Variants in FAM234A observed in about 807,000 individuals in gnomAD.
The protein encoded by FAM234A is protein FAM234A.
FAM234A carries 42 observed loss-of-function variants against 49.1 expected under a neutral mutation model. That is an observed-to-expected ratio of 0.86 (90% confidence interval 0.67 to 1.11). The LOEUF (loss-of-function observed/expected upper bound fraction) is 1.11. Among genes scored for constraint, FAM234A ranks in the 50% least tolerant of loss-of-function variants. The probability of loss-of-function intolerance (pLI) is 0.00; values close to 1 mark genes in which losing one functional copy is unlikely to be tolerated. For synonymous variants in FAM234A, 369 were observed against 316.2 expected (o/e 1.17, Z -1.77); for missense variants, 815 against 745.2 (o/e 1.09, Z -1.09).
intron 7 of FAM234A, 32 bp downstream of exon 7, chr16:262,257 C>G: frequency 6.2e-7 from 1 of 1,611,264 alleles, no homozygotes; most frequent in Non-Finnish European, 8.5e-7. Context: ...CCTGGCCAGC[C>G]TCACTCGTGG....
intron 8 of FAM234A, among the ~76,000 whole-genome samples, chr16:262,782 G>C (rs2051523790): frequency 6.6e-6 from 1 of 151,744 alleles, no homozygotes; most frequent in South Asian, 2.1e-4. Flanking sequence ...TCCACGGAAA[G>C]TGGGGGTCTT....
chr16:243,933 G>C (rs1441272692), intron 1 of FAM234A, among the ~76,000 whole-genome samples: 1 of 151,872 alleles, frequency 6.6e-6, no homozygotes, highest in Non-Finnish European at 1.5e-5. Flanking sequence ...TATAAATGCT[G>C]TGCATATCCG....
intron 3 of FAM234A, among the ~76,000 whole-genome samples, chr16:257,155 C>T (rs1567219992): frequency 2.0e-5 from 3 of 151,414 alleles, no homozygotes; most frequent in South Asian, 2.1e-4. Context: ...CTAGGACTAC[C>T]GGTGTGAACC....
chr16:259,732 C>G (rs866826479), intron 4 of FAM234A, 133 bp downstream of exon 4: 1 of 745,090 alleles, frequency 1.3e-6, no homozygotes, highest in Non-Finnish European at 2.3e-6. Context: ...GTCATCCTTC[C>G]TGGCAGACCA....
Position 260,356 on chromosome 16 carries a change from A to T in FAM234A, c.577+196A>T. 3 of 616,624 alleles carry T rather than the reference A, an allele frequency of 4.9e-6. No individual in the cohort carries two copies. The South Asian group carries it at 5.6e-5, about 12-fold the overall frequency. 38.2% of individuals were successfully genotyped at this position (616,624 alleles called of 1,614,324 possible). On this transcript the variant is annotated intron_variant, in intron 5 of 12. Coordinates refer to ENST00000399932, the MANE Select transcript of FAM234A (RefSeq NM_032039.4). ...GAAGGCACACGCCTCGGCTGCCTTC[A>T]GCTGCACTGTGTCTGTTACCTCCCG...
chr16:253,940 T>G, intron 2 of FAM234A: 1 of 170,900 alleles, frequency 5.9e-6, no homozygotes, highest in East Asian at 1.7e-4. Flanking sequence ...GTACTTTGAA[T>G]TTTGGGTCTG....
Position 241,588 on chromosome 16 carries a change from C to CA in FAM234A, c.-140+6743dup, listed in dbSNP as rs201202017. 6.0e-3 allele frequency among the ~76,000 whole-genome samples: 841 copies of CA among 139,144 alleles called. 44 individuals are homozygous for CA. In the East Asian group the frequency reaches 0.12, roughly 20 times the overall value. The allele number at this position is 139,144 out of a possible 152,430, so 91.3% of individuals were successfully genotyped here. A position where few individuals can be genotyped will look rare whatever the true frequency, so the allele number is the denominator to read the frequency against. On this transcript the variant is annotated intron_variant, in intron 1 of 12. Coordinates refer to ENST00000399932, the MANE Select transcript of FAM234A (RefSeq NM_032039.4). ...TGGGCAACAGAGCAAGACCCTGTGT[C>CA]AAAAAAAAAAAAGTTTTCATCAAAT...
intron 1 of FAM234A, among the ~76,000 whole-genome samples, chr16:245,152 GC>G (rs925013287): frequency 5.3e-5 from 8 of 151,980 alleles, no homozygotes; most frequent in Non-Finnish European, 2.9e-5. Flanking sequence ...TTTGAGACCA[GC>G]CTGGGCAACG....
chr16:251,318 A>C (rs1266805598), intron 2 of FAM234A, among the ~76,000 whole-genome samples: 1 of 152,146 alleles, frequency 6.6e-6, no homozygotes, highest in African/African-American at 2.4e-5. Flanking sequence ...GTTAATAATG[A>C]ACCAATATGA....
chr16:246,383 G>A (rs1162470314), intron 1 of FAM234A, among the ~76,000 whole-genome samples: 50 of 131,660 alleles, frequency 3.8e-4, no homozygotes, highest in Admixed American at 1.3e-3. Context: ...GGTTCAAGCA[G>A]TTCTCCTGCC....
chr16:254,254 TG>T, intron 2 of FAM234A, 126 bp from the exon 3 acceptor site: 1 of 718,490 alleles, frequency 1.4e-6, no homozygotes, highest in Non-Finnish European at 2.4e-6. Context: ...TTTTATTTCC[TG>T]GGCTGGTGGC....
At chr16:269,248 G>C, downstream of FAM234A, 2 of 1,484,320 alleles carry the variant, frequency 1.3e-6, no homozygotes, top group Non-Finnish European at 1.8e-6. Flanking sequence ...AGGGACTAGA[G>C]TGGCAGATGG....
intron 3 of FAM234A, 131 bp downstream of exon 3, chr16:254,812 A>G: frequency 1.1e-6 from 1 of 897,978 alleles, no homozygotes; most frequent in African/African-American, 1.7e-5. Context: ...AGAGGCTGCC[A>G]GTTCTATGTC....
chr16:235,562 T>TA (rs2050370788), intron 1 of FAM234A, among the ~76,000 whole-genome samples: 1 of 152,228 alleles, frequency 6.6e-6, no homozygotes, highest in Admixed American at 6.5e-5. Context: ...CAATTTCACT[T>TA]ACTCTCTGGT....
chr16:244,055 G>A (rs1410657569), intron 1 of FAM234A, among the ~76,000 whole-genome samples: 16 of 150,902 alleles, frequency 1.1e-4, no homozygotes, highest in African/African-American at 4.9e-5. Context: ...TGCAACCTCC[G>A]CCTCCCAGGT....
chr16:250,329 C>T (rs933416106), intron 2 of FAM234A, among the ~76,000 whole-genome samples: 1 of 152,208 alleles, frequency 6.6e-6, no homozygotes, highest in African/African-American at 2.4e-5. Context: ...CCAGCCCTGG[C>T]CCCAGCCCCT....
chr16:258,920 C>G (rs1216882754), intron 3 of FAM234A, among the ~76,000 whole-genome samples: 1 of 152,174 alleles, frequency 6.6e-6, no homozygotes, highest in African/African-American at 2.4e-5. Flanking sequence ...GTAGCTGGGA[C>G]TACAGGCACG....
intron 1 of FAM234A, among the ~76,000 whole-genome samples, chr16:236,366 T>C (rs1285265352): frequency 6.6e-6 from 1 of 152,074 alleles, no homozygotes; most frequent in Non-Finnish European, 1.5e-5. Flanking sequence ...GGCTCATGCC[T>C]GTAATCCCAG....
intron 1 of FAM234A, among the ~76,000 whole-genome samples, chr16:237,713 CTT>C (rs398058030): frequency 1.5e-4 from 21 of 137,242 alleles, no homozygotes; most frequent in South Asian, 2.4e-4. Context: ...TAATGAAATT[CTT>C]TTTTTTTTTT....
Sources: gnomAD v4.1 joint callset for allele counts (sites outside exome capture counted in the v4.1 genomes callset) on GRCh38, gnomAD v4.1.1 for gene constraint, MANE v1.5 for transcripts, NCBI Gene and HGNC (gene_info 2026-07-23, HGNC 2026-07-21) for gene names.